The following SIK3 variants were observed in gnomAD, a reference collection of about 807,000 sequenced individuals.
SIK3 encodes serine/threonine-protein kinase SIK3.
SIK3 carries 28 observed loss-of-function variants against 144.2 expected under a neutral mutation model. The ratio of observed to expected loss-of-function variants is 0.19; its 90% CI spans 0.14 to 0.27. The LOEUF (loss-of-function observed/expected upper bound fraction) is 0.27, where lower values mean the gene tolerates loss of function less well. Among genes scored for constraint, SIK3 ranks in the 10% least tolerant of loss-of-function variants. The pLI, the probability that SIK3 is intolerant of heterozygous loss-of-function variation, is 1.00. For missense variants in SIK3, 1,319 were observed against 1,776.0 expected (o/e 0.74, Z 4.62); for synonymous variants, 686 against 676.3 (o/e 1.01, Z -0.22).
chr11:117,090,056 AAAG>A, intron 1 of SIK3, among the ~76,000 whole-genome samples: 1 of 152,354 alleles, frequency 6.6e-6, no homozygotes, highest in South Asian at 2.1e-4. Flanking sequence ...AACAGATCCA[AAAG>A]AAGTCTTTCA....
chr11:117,069,183 TTG>T (rs531545843), intron 1 of SIK3, among the ~76,000 whole-genome samples: 2,002 of 73,308 alleles, frequency 0.027, 55 homozygotes, highest in African/African-American at 0.078. Context: ...AGATTTTTTT[TTG>T]GGGGGGGGGG....
At chr11:117,028,276 C>G (rs547249883) in intron 1 of SIK3, among the ~76,000 whole-genome samples, 74 of 152,230 alleles carry the variant, frequency 4.9e-4, no homozygotes, top group South Asian at 6.2e-4. Flanking sequence ...GCATGAAACC[C>G]TTCATTCATT....
At chr11:116,928,644 A>G (rs1947419828) in intron 3 of SIK3, among the ~76,000 whole-genome samples, 1 of 152,162 alleles carries the variant, frequency 6.6e-6, no homozygotes, top group Non-Finnish European at 1.5e-5. Context: ...GTGGCAAGAA[A>G]TGGTAGGGGA....
chr11:116,875,158 C>T lies in SIK3; in HGVS notation c.1427G>A (p.Arg476His), dbSNP rs372451103. ...RRHTVGVADP[R>H]TEVMEDLQKL... is the part of the protein sequence containing the mutation. The stretch of plus-strand genomic sequence containing the variant: ...TGAGGGCTGTTGGCCGGATACTCAC[C>T]GTGGGTCAGCCACACCCACTGTGTG... The change falls in exon 11 of 25, where the codon CGC becomes CAC. Residue 476 changes from arginine (R) to histidine (H), a missense_variant and splice_region_variant. Coordinates refer to ENST00000445177, the MANE Select transcript of SIK3 (RefSeq NM_001366686.3). 22 of 1,612,198 alleles carry T rather than the reference C, an allele frequency of 1.4e-5. No homozygotes were observed. The East Asian group carries it at 3.3e-4, about 24-fold the overall frequency.
At chr11:117,089,131 C>T (rs1258175568) in intron 1 of SIK3, among the ~76,000 whole-genome samples, 7 of 151,928 alleles carry the variant, frequency 4.6e-5, no homozygotes, top group African/African-American at 1.5e-4. Context: ...GCTGGCCGGG[C>T]GCGGTGGCTC....
intron 6 of SIK3, among the ~76,000 whole-genome samples, chr11:116,891,220 G>A (rs1331992157): frequency 6.6e-6 from 1 of 152,228 alleles, no homozygotes; most frequent in Non-Finnish European, 1.5e-5. Context: ...GGGAGGCTGA[G>A]GTGGGAGGAC....
chr11:117,014,558 T>C (rs1037304304), intron 1 of SIK3, among the ~76,000 whole-genome samples: 2 of 151,902 alleles, frequency 1.3e-5, no homozygotes, highest in East Asian at 3.9e-4. Context: ...GGAAAAAAGA[T>C]ATCTGTAACA....
intron 1 of SIK3, among the ~76,000 whole-genome samples, chr11:117,048,290 A>C (rs1953054131): frequency 6.6e-6 from 1 of 152,232 alleles, no homozygotes; most frequent in Non-Finnish European, 1.5e-5. Flanking sequence ...TTTGACACTT[A>C]GATGAAACCC....
intron 2 of SIK3, 62 bp downstream of exon 2, chr11:116,956,886 G>T: frequency 7.2e-6 from 7 of 969,170 alleles, no homozygotes; most frequent in South Asian, 2.3e-5. Context: ...TTCTTCAAAG[G>T]GAGCCATACA....
At chr11:116,943,120 T>C (rs947307951) in intron 3 of SIK3, among the ~76,000 whole-genome samples, 1 of 148,908 alleles carries the variant, frequency 6.7e-6, no homozygotes, top group African/African-American at 2.5e-5. Flanking sequence ...CCTTGGAAAA[T>C]AGTCAAAGGA....
At position 116,925,224 on chromosome 11, in the gene SIK3, G is replaced by A. The variant is rs200078161; in HGVS notation, c.616+1995C>T. On this transcript the variant is annotated intron_variant, in intron 4 of 24. Coordinates refer to ENST00000445177, the MANE Select transcript of SIK3 (RefSeq NM_001366686.3). ...AGATCACGCCACTGCCCTCCTGCCT[G>A]GGCAACAGAATGAGGCCCTGTCTCG... Among the ~76,000 whole-genome samples, 11 of 152,182 alleles carry A rather than the reference G, an allele frequency of 7.2e-5. No individual in the cohort carries two copies. The East Asian group carries it at 2.1e-3, about 29-fold the overall frequency.
intron 1 of SIK3, among the ~76,000 whole-genome samples, chr11:117,076,493 C>A (rs1380461698): frequency 6.6e-6 from 1 of 152,090 alleles, no homozygotes; most frequent in African/African-American, 2.4e-5. Context: ...GCAACATTCT[C>A]CCAAAATAAA....
At chr11:116,904,504 T>C (rs946308167) in intron 4 of SIK3, among the ~76,000 whole-genome samples, 3 of 152,316 alleles carry the variant, frequency 2.0e-5, no homozygotes, top group Middle Eastern at 3.4e-3. Context: ...TTAAAAATTT[T>C]ATTAGACTTC....
intron 1 of SIK3, among the ~76,000 whole-genome samples, chr11:117,064,262 T>C (rs1953918542): frequency 6.6e-6 from 1 of 152,184 alleles, no homozygotes; most frequent in African/African-American, 2.4e-5. Flanking sequence ...ATTATCTAAT[T>C]TATAGTAGAC....
intron 3 of SIK3, among the ~76,000 whole-genome samples, chr11:116,934,906 C>G (rs1947826412): frequency 6.6e-6 from 1 of 152,110 alleles, no homozygotes; most frequent in African/African-American, 2.4e-5. Context: ...ATGGTGAAAC[C>G]TCATTTCTAC....
At chr11:116,880,302 C>CAAA (rs200871318) in intron 6 of SIK3, among the ~76,000 whole-genome samples, 1 of 136,892 alleles carries the variant, frequency 7.3e-6, no homozygotes, top group South Asian at 2.4e-4. Context: ...GAAAATTCTC[C>CAAA]AAAAAAAAAA....
At chr11:117,091,364 C>G (rs1955243264) in intron 1 of SIK3, among the ~76,000 whole-genome samples, 2 of 151,986 alleles carry the variant, frequency 1.3e-5, no homozygotes, top group Admixed American at 1.3e-4. Flanking sequence ...ACCACCACGC[C>G]TGGCTAATTT....
At chr11:116,935,793 T>C (rs1458824225) in intron 3 of SIK3, among the ~76,000 whole-genome samples, 2 of 152,202 alleles carry the variant, frequency 1.3e-5, no homozygotes, top group Non-Finnish European at 2.9e-5. Flanking sequence ...TAGCTCTAAC[T>C]AGTCTTCCAA....
Position 116,896,450 on chromosome 11 carries a change from T to G in SIK3, c.742-74A>C, listed in dbSNP as rs1483045116. On this transcript the variant is annotated intron_variant, in intron 5 of 24. Coordinates refer to ENST00000445177, the MANE Select transcript of SIK3 (RefSeq NM_001366686.3). ...AAAAAAGACTACTGTAGTGTGTGTATGCAGATGATGGTGAGTCATGCATAC... is the reference window on the plus strand; with the variant it reads ...AAAAAAGACTACTGTAGTGTGTGTAGGCAGATGATGGTGAGTCATGCATAC... The G allele has an allele frequency of 2.0e-6, 3 of 1,515,234 alleles. No homozygotes were observed. In the East Asian group the frequency reaches 6.9e-5, roughly 35 times the overall value. The allele number at this position is 1,515,234 out of a possible 1,614,324, so 93.9% of individuals were successfully genotyped here.
Sources: allele counts gnomAD v4.1 joint callset (sites outside exome capture counted in the v4.1 genomes callset), GRCh38; gene constraint gnomAD v4.1.1; transcripts MANE v1.5; gene names NCBI Gene and HGNC (gene_info 2026-07-23, HGNC 2026-07-21).